The following ITCH variants were observed in gnomAD, a reference collection of about 807,000 sequenced individuals.
The protein encoded by ITCH is itchy E3 ubiquitin protein ligase.
Under a neutral mutation model 126.8 loss-of-function variants are expected in ITCH, and 28 were observed. The ratio of observed to expected loss-of-function variants is 0.22; its 90% CI spans 0.16 to 0.30. ITCH has a LOEUF of 0.30. ITCH is among the 10% of genes least tolerant of loss of function. The pLI, the probability that ITCH is intolerant of heterozygous loss-of-function variation, is 1.00. For missense variants in ITCH, 631 were observed against 1,032.4 expected, an observed-to-expected ratio of 0.61 and a Z score of 5.33; for synonymous variants, 342 against 340.0, an observed-to-expected ratio of 1.01 and a Z score of -0.06.
rs768164340 is a variant in ITCH at position 34,413,785 on chromosome 20, G to A, written c.381G>A (p.Glu127=). 1.2e-6 allele frequency: 2 copies of A among 1,613,126 alleles called. No homozygotes were observed. The highest frequency in any genetic ancestry group is 2.2e-5 in the South Asian group (2 of 91,024). ...VVTLQLGGDK[E]PTETIGDLSI... is the part of the protein sequence containing the mutation. Reference sequence around the variant, plus strand: ...CTTTGCAGCTTGGAGGTGACAAAGAGCCAACAGAGACAATAGGAGACTTGT... The same window carrying A: ...CTTTGCAGCTTGGAGGTGACAAAGAACCAACAGAGACAATAGGAGACTTGT... Residue 127 remains glutamate (E), a synonymous_variant, in exon 6 of 25, where the codon GAG becomes GAA. Transcript: ENST00000374864.
In ITCH at chr20:34,507,263, G is replaced by GTTTT. The variant is rs776161631; in HGVS notation, c.2490-409_2490-406dup. ...TCCTTTTCAACTCTTGTTTTCTTCT[G>GTTTT]TTTTTTTTTTTTTTTTTTTTTTTTT... On this transcript the variant is annotated intron_variant, in intron 24 of 24. Transcript: ENST00000374864. Among the ~76,000 whole-genome samples, 36 of 39,150 alleles carry GTTTT rather than the reference G, an allele frequency of 9.2e-4. No individual in the cohort carries two copies. In the East Asian group the frequency reaches 9.7e-3, roughly 11 times the overall value. The allele number at this position is 39,150 out of a possible 152,430, so 25.7% of individuals were successfully genotyped here. A position where few individuals can be genotyped will look rare whatever the true frequency, so the allele number is the denominator to read the frequency against.
At chr20:34,364,365 T>C (rs2122929563) in intron 1 of ITCH, among the ~76,000 whole-genome samples, 1 of 152,158 alleles carries the variant, frequency 6.6e-6, no homozygotes, top group East Asian at 1.9e-4. Flanking sequence ...GCCTTGAAAA[T>C]TAGTAAGACC....
At chr20:34,376,106 T>G (rs1027383499) in intron 2 of ITCH, among the ~76,000 whole-genome samples, 4 of 152,162 alleles carry the variant, frequency 2.6e-5, no homozygotes, top group Non-Finnish European at 5.9e-5. Flanking sequence ...AAATTACCAC[T>G]GTGGGCAGAA....
At chr20:34,476,550 G>A in intron 16 of ITCH, 1 of 841,272 alleles carries the variant, frequency 1.2e-6, no homozygotes, top group East Asian at 4.2e-5. Context: ...TTGCGTTGCT[G>A]TATACCTAGC....
At chr20:34,503,855 T>TTTTTTTTTTTTTTGG (rs1336304862) in intron 23 of ITCH, among the ~76,000 whole-genome samples, 4 of 129,444 alleles carry the variant, frequency 3.1e-5, no homozygotes, top group Non-Finnish European at 6.7e-5. Context: ...TTTTTTGGGT[T>TTTTTTTTTTTTTTGG]TTTTTTTTTT....
chr20:34,488,939 C>T (rs568186039), intron 20 of ITCH, among the ~76,000 whole-genome samples: 21 of 151,912 alleles, frequency 1.4e-4, no homozygotes, highest in African/African-American at 4.1e-4. Context: ...CTCGGGAGGC[C>T]GAGGTAGGAG....
At position 34,408,697 on chromosome 20, in the gene ITCH, A is replaced by G. The variant is rs368044001; in HGVS notation, c.117A>G (p.Pro39=). 1.2e-6 allele frequency: 2 copies of G among 1,613,854 alleles called. No homozygotes were observed. The highest frequency in any genetic ancestry group is 1.7e-6 in the Non-Finnish European group (2 of 1,179,832). The change falls in exon 4 of 25, where the codon CCA becomes CCG. Residue 39 remains proline, a synonymous_variant. Coordinates refer to ENST00000374864, the MANE Select transcript of ITCH (RefSeq NM_031483.7). ...LKENKKNWFG[P]SPYVEVTVDG... ...AAAATAAGAAGAATTGGTTTGGACC[A>G]AGTCCTTACGTAGAGGTCACAGTAG...
At chr20:34,368,095 C>A (rs1427383443) in intron 1 of ITCH, among the ~76,000 whole-genome samples, 1 of 151,924 alleles carries the variant, frequency 6.6e-6, no homozygotes, top group East Asian at 1.9e-4. Flanking sequence ...GTGGTGAAAC[C>A]CCCATCTCTA....
At chr20:34,443,541 T>C (rs1272671501) in intron 10 of ITCH, among the ~76,000 whole-genome samples, 1 of 151,544 alleles carries the variant, frequency 6.6e-6, no homozygotes, top group Non-Finnish European at 1.5e-5. Flanking sequence ...GAAGAAAAAA[T>C]ATTTTTTAAT....
intron 4 of ITCH, among the ~76,000 whole-genome samples, chr20:34,409,378 T>C (rs989881343): frequency 2.0e-5 from 3 of 151,950 alleles, no homozygotes; most frequent in Non-Finnish European, 4.4e-5. Context: ...TATTTTAAAT[T>C]ACGGTGCCAG....
rs3761147 is a variant in ITCH at position 34,408,883 on chromosome 20, G to T, written c.212+91G>T. 705,195 of 1,335,424 alleles carry T rather than the reference G, an allele frequency of 0.53. 184,858 individuals are homozygous for T. Among genetic ancestry groups the T allele is most frequent in the Admixed American group, 0.69 (32,762 of 47,386 alleles). The allele number at this position is 1,335,424 out of a possible 1,614,324, so 82.7% of individuals were successfully genotyped here. ...AAAATGTTTCTCACTTTGGTTTTTT[G>T]TTGTTGTTGTTCCTCCTTTCTCTCT... On this transcript the variant is annotated intron_variant, in intron 4 of 24. Coordinates refer to ENST00000374864, the MANE Select transcript of ITCH (RefSeq NM_031483.7).
intron 12 of ITCH, among the ~76,000 whole-genome samples, chr20:34,453,949 G>A (rs1455039130): frequency 2.6e-5 from 4 of 151,646 alleles, no homozygotes; most frequent in African/African-American, 7.2e-5. Context: ...AGCTGAGATC[G>A]CGCCACTGCA....
intron 7 of ITCH, 89 bp downstream of exon 7, chr20:34,424,614 A>T: frequency 9.5e-7 from 1 of 1,057,174 alleles, no homozygotes; most frequent in South Asian, 1.3e-5. Context: ...TTCATGATAT[A>T]AGAATAAATG....
intron 2 of ITCH, among the ~76,000 whole-genome samples, chr20:34,373,971 G>A (rs1422565853): frequency 6.6e-6 from 1 of 151,438 alleles, no homozygotes; most frequent in East Asian, 1.9e-4. Flanking sequence ...TGTAATCTCC[G>A]TCTCCCAGGT....
At chr20:34,463,962 T>C (rs1986781066) in intron 14 of ITCH, among the ~76,000 whole-genome samples, 1 of 151,904 alleles carries the variant, frequency 6.6e-6, no homozygotes, top group Non-Finnish European at 1.5e-5. Flanking sequence ...TGATGTCTGA[T>C]TTGTCAATTT....
At chr20:34,433,800 A>G (rs1322153996) in intron 7 of ITCH, among the ~76,000 whole-genome samples, 1 of 152,216 alleles carries the variant, frequency 6.6e-6, no homozygotes, top group Non-Finnish European at 1.5e-5. Flanking sequence ...AACTAACCAA[A>G]TAAAAACCCA....
intron 3 of ITCH, among the ~76,000 whole-genome samples, chr20:34,394,160 T>C (rs2038586987): frequency 7.2e-6 from 1 of 137,954 alleles, no homozygotes; most frequent in Non-Finnish European, 1.5e-5. Flanking sequence ...TGCAGTGAGC[T>C]GAGTTTGCGC....
chr20:34,509,172 T>G lies in ITCH; in HGVS notation c.*1378T>G, dbSNP rs1262818857. 6.6e-6 allele frequency: 1 copy of G among 152,636 alleles called. No individual in the cohort carries two copies. Among genetic ancestry groups the G allele is most frequent in the East Asian group, 1.9e-4 (1 of 5,208 alleles). The allele number at this position is 152,636 out of a possible 1,614,324, so 9.5% of individuals were successfully genotyped here. A position where few individuals can be genotyped will look rare whatever the true frequency, so the allele number is the denominator to read the frequency against. On this transcript the variant is annotated 3_prime_UTR_variant, in exon 25 of 25. Coordinates refer to ENST00000374864, the MANE Select transcript of ITCH (RefSeq NM_031483.7). Reference sequence around the variant, plus strand: ...TTAGATTGCTCCATTATTAACTGATTAATGCACTTTGAAGTTCTCTGGAAT... The same window carrying G: ...TTAGATTGCTCCATTATTAACTGATGAATGCACTTTGAAGTTCTCTGGAAT...
At chr20:34,433,656 CAAA>C (rs1158804192) in intron 7 of ITCH, among the ~76,000 whole-genome samples, 2 of 115,428 alleles carry the variant, frequency 1.7e-5, no homozygotes, top group Non-Finnish European at 1.8e-5. Context: ...AACAATGTCT[CAAA>C]AAAAAAAAAA....
Sources: gnomAD v4.1 joint callset for allele counts (sites outside exome capture counted in the v4.1 genomes callset) on GRCh38, gnomAD v4.1.1 for gene constraint, MANE v1.5 for transcripts, NCBI Gene and HGNC (gene_info 2026-07-23, HGNC 2026-07-21) for gene names.